NFATC1: variants seen among roughly 807,000 people sequenced by gnomAD.
NFATC1 encodes the protein nuclear factor of activated T-cells, cytoplasmic 1.
A neutral mutation model predicts 76.0 loss-of-function variants in NFATC1; 22 were observed. The observed-to-expected ratio is 0.29, with a 90% CI of 0.21 to 0.41. The LOEUF is 0.41. Ranked by LOEUF, NFATC1 falls within the 10% of genes least tolerant of loss-of-function variation. The pLI is 1.00. For synonymous variants in NFATC1, 704 were observed against 613.1 expected (o/e 1.15, Z -2.19); for missense variants, 1,357 against 1,337.7 (o/e 1.01, Z -0.23).
At chr18:79,437,016 C>T (rs149328998) in intron 3 of NFATC1, among the ~76,000 whole-genome samples, 189 of 152,350 alleles carry the variant, frequency 1.2e-3, no homozygotes, top group African/African-American at 4.1e-3. Context: ...AAAACACCAG[C>T]ATCAAAGCAA....
chr18:79,401,204 G>T (rs2148135508), intron 1 of NFATC1, among the ~76,000 whole-genome samples: 1 of 151,314 alleles, frequency 6.6e-6, no homozygotes, highest in South Asian at 2.1e-4. Flanking sequence ...GGTCACCCCA[G>T]GCTGGTCACC....
At chr18:79,527,491 T>C (rs774220893) in intron 9 of NFATC1, 37 bp from the exon 10 acceptor site, 2 of 1,569,040 alleles carry the variant, frequency 1.3e-6, no homozygotes, top group Non-Finnish European at 1.8e-6. Flanking sequence ...GTTTATGGTA[T>C]TTCTCTAATA....
chr18:79,486,410 C>G lies in NFATC1; in HGVS notation c.2255C>G (p.Pro752Arg). The change falls in exon 9 of 10, where the codon CCG becomes CGG. Residue 752 changes from proline (P) to arginine (R), a missense_variant. By Grantham distance (103) the Pro-to-Arg change is moderately radical (BLOSUM62 -2). This residue lies in a region of NFATC1 where 424 missense variants were observed against 395.4 expected (regional missense o/e 1.07). Coordinates refer to ENST00000427363, the MANE Select transcript of NFATC1 (RefSeq NM_001278669.2). ...CTCGTGGCCGGCTTCCCGCCCTGTCCGCAGAGAAGCACCCTGATGCCAGCG... is the reference window on the plus strand; with the variant it reads ...CTCGTGGCCGGCTTCCCGCCCTGTCGGCAGAGAAGCACCCTGATGCCAGCG... ...SCLVAGFPPC[P>R]QRSTLMPAAP... 1.9e-6 allele frequency: 3 copies of G among 1,612,676 alleles called. No individual in the cohort carries two copies. Among genetic ancestry groups the G allele is most frequent in the Non-Finnish European group, 2.5e-6 (3 of 1,179,946 alleles).
intron 7 of NFATC1, among the ~76,000 whole-genome samples, chr18:79,464,413 C>A (rs757369513): frequency 6.6e-6 from 1 of 151,876 alleles, no homozygotes; most frequent in Non-Finnish European, 1.5e-5. Context: ...CATTTTTAAT[C>A]TCTTAAATGG....
Position 79,410,213 on chromosome 18 carries a change from G to A in NFATC1, c.128-190G>A. On this transcript the variant is annotated intron_variant, in intron 1 of 9. Coordinates refer to ENST00000427363, the MANE Select transcript of NFATC1 (RefSeq NM_001278669.2). This position sits in a 1 kb window ranked among gnomAD's most constrained non-coding sequence, Gnocchi z 6.7. ...GGCTCACGGGAGCCTTGTTGGCCAG[G>A]TGGGACTGGGGCTGTCACTCCAAGT... is the stretch of plus-strand genomic sequence containing the variant. The A allele has an allele frequency of 2.2e-6, 2 of 901,814 alleles. No individual in the cohort carries two copies. Among genetic ancestry groups the A allele is most frequent in the Non-Finnish European group, 1.8e-6 (1 of 567,276 alleles). The allele number at this position is 901,814 out of a possible 1,614,324, so 55.9% of individuals were successfully genotyped here.
At chr18:79,456,112 C>T (rs2087711986) in intron 6 of NFATC1, among the ~76,000 whole-genome samples, 1 of 152,340 alleles carries the variant, frequency 6.6e-6, no homozygotes, top group African/African-American at 2.4e-5. Flanking sequence ...TTGGGAGGCT[C>T]CACCCAGCAG....
chr18:79,463,716 T>A (rs928147308), intron 7 of NFATC1, among the ~76,000 whole-genome samples: 1 of 152,354 alleles, frequency 6.6e-6, no homozygotes, highest in Admixed American at 6.5e-5. Flanking sequence ...TCTCCGTCCC[T>A]CTGCCTGCAG....
Position 79,410,542 on chromosome 18 carries a change from C to T in NFATC1, c.267C>T (p.Tyr89=), listed in dbSNP as rs55863211. ...CGCCGGCGGATCACCCCTCGGGGTA[C>T]GGAGCAGCTTTGGACGGTGGGCCCG... ...IIPPADHPSG[Y]GAALDGGPAG... The change falls in exon 2 of 10, where the codon TAC becomes TAT. Residue 89 remains tyrosine, a synonymous_variant. Coordinates refer to ENST00000427363, the MANE Select transcript of NFATC1 (RefSeq NM_001278669.2). This position sits in a 1 kb window ranked among gnomAD's most constrained non-coding sequence, Gnocchi z 6.7. 0.035 allele frequency: 56,964 copies of T among 1,611,632 alleles called. 1,165 individuals carry two copies. Among genetic ancestry groups the T allele is most frequent in the Non-Finnish European group, 0.041 (48,026 of 1,179,978 alleles).
At chr18:79,439,185 A>C (rs577163546) in intron 3 of NFATC1, among the ~76,000 whole-genome samples, 1 of 152,156 alleles carries the variant, frequency 6.6e-6, no homozygotes, top group South Asian at 2.1e-4. Flanking sequence ...GGTTTGCCAC[A>C]CACAGGAGCT....
At chr18:79,436,076 TTG>T in intron 3 of NFATC1, among the ~76,000 whole-genome samples, 1 of 152,176 alleles carries the variant, frequency 6.6e-6, no homozygotes, top group Non-Finnish European at 1.5e-5. Flanking sequence ...AAAATAGAAT[TTG>T]TGCATAATTT....
In NFATC1 at chr18:79,527,759, A is replaced by G; in HGVS notation, c.*182A>G. ...CCAACAAGAAGGAAAGCAGGGAGGA[A>G]GGGAGACCACTGTGTCACCTGGAGG... On this transcript the variant is annotated 3_prime_UTR_variant, in exon 10 of 10. Coordinates refer to ENST00000427363, the MANE Select transcript of NFATC1 (RefSeq NM_001278669.2). The G allele has an allele frequency of 1.6e-6, 1 of 618,084 alleles. No homozygotes were observed. Among genetic ancestry groups the G allele is most frequent in the Non-Finnish European group, 2.9e-6 (1 of 350,684 alleles). The allele number at this position is 618,084 out of a possible 1,614,324, so 38.3% of individuals were successfully genotyped here. A position where few individuals can be genotyped will look rare whatever the true frequency, so the allele number is the denominator to read the frequency against.
In NFATC1 at chr18:79,410,656, C is replaced by T. The variant is rs778698315; in HGVS notation, c.381C>T (p.Gly127=). The T allele has an allele frequency of 6.2e-7, 1 of 1,613,224 alleles. No individual in the cohort carries two copies. The highest frequency in any genetic ancestry group is 8.5e-7 in the Non-Finnish European group (1 of 1,180,024). ...GCATCGAGATAACCTCGTGCTTGGG[C>T]CTGTACCACAACAATAACCAGTTTT... The part of the protein sequence containing the change: ...SPRIEITSCL[G]LYHNNNQFFH... Residue 127 remains glycine (G), a synonymous_variant, in exon 2 of 10, where the codon GGC becomes GGT. Coordinates refer to ENST00000427363, the MANE Select transcript of NFATC1 (RefSeq NM_001278669.2). The surrounding 1 kb of genome is among the most constrained non-coding windows in gnomAD (Gnocchi z 6.7).
In NFATC1 at chr18:79,446,576, G is replaced by A. The variant is rs557225344; in HGVS notation, c.1387-2206G>A. Among the ~76,000 whole-genome samples, 10 of 152,232 alleles carry A rather than the reference G, an allele frequency of 6.6e-5. No individual in the cohort carries two copies. The East Asian group carries it at 1.5e-3, about 23-fold the overall frequency. On this transcript the variant is annotated intron_variant, in intron 3 of 9. Coordinates refer to ENST00000427363, the MANE Select transcript of NFATC1 (RefSeq NM_001278669.2). Reference sequence around the variant, plus strand: ...GTCCCACAGAGAGTTAAGGTATCTCGGGAAGTTCATTAACTTGGCAAACGG... The same window carrying A: ...GTCCCACAGAGAGTTAAGGTATCTCAGGAAGTTCATTAACTTGGCAAACGG...
intron 2 of NFATC1, among the ~76,000 whole-genome samples, chr18:79,416,912 C>G (rs1440573683): frequency 6.6e-6 from 1 of 152,226 alleles, no homozygotes; most frequent in East Asian, 1.9e-4. Flanking sequence ...GGGTGTCAGG[C>G]CCTGGGGAGT....
intron 6 of NFATC1, chr18:79,452,236 TC>T (rs1435080866): frequency 6.4e-6 from 1 of 156,370 alleles, no homozygotes; most frequent in Non-Finnish European, 1.4e-5. Context: ...CCGCCAGCAT[TC>T]CTGGGGTCGG....
chr18:79,434,158 G>A (rs935558472), intron 3 of NFATC1, among the ~76,000 whole-genome samples: 1 of 152,252 alleles, frequency 6.6e-6, no homozygotes, highest in Admixed American at 6.5e-5. Flanking sequence ...CTCTGGGCTT[G>A]GGTGCTGGGG....
In NFATC1 at chr18:79,411,319, C is replaced by G; in HGVS notation, c.1044C>G (p.Leu348=). The G allele has an allele frequency of 6.2e-7, 1 of 1,602,136 alleles. No individual in the cohort carries two copies. Among genetic ancestry groups the G allele is most frequent in the Non-Finnish European group, 8.5e-7 (1 of 1,176,748 alleles). Reference sequence around the variant, plus strand: ...TGGAGCAGCCGCCCTCAGTGGCGCTCAAGGTGGAGCCCGTCGGGGAGGACC... The same window carrying G: ...TGGAGCAGCCGCCCTCAGTGGCGCTGAAGGTGGAGCCCGTCGGGGAGGACC... The part of the protein sequence containing the change: ...TTLEQPPSVA[L]KVEPVGEDLG... The change falls in exon 2 of 10, where the codon CTC becomes CTG. Residue 348 remains leucine, a synonymous_variant. Coordinates refer to ENST00000427363, the MANE Select transcript of NFATC1 (RefSeq NM_001278669.2).
Position 79,396,323 on chromosome 18 carries a change from C to T in NFATC1, c.99C>T (p.Ala33=), listed in dbSNP as rs2085001553. 7.1e-7 allele frequency: 1 copy of T among 1,412,710 alleles called. No individual in the cohort carries two copies. The highest frequency in any genetic ancestry group is 9.4e-7 in the Non-Finnish European group (1 of 1,068,036). The allele number at this position is 1,412,710 out of a possible 1,614,324, so 87.5% of individuals were successfully genotyped here. A position where few individuals can be genotyped will look rare whatever the true frequency, so the allele number is the denominator to read the frequency against. The change falls in exon 1 of 10, where the codon GCC becomes GCT. Residue 33 remains alanine (A), a synonymous_variant. Transcript: ENST00000427363. ...RGETLGPAPR[A]GGTMKSAEEE... ...AAACTTTGGGGCCCGCGCCGCGCGC[C>T]GGCGGCACCATGAAGTCAGCGGAGG...
chr18:79,507,131 T>C (rs1186523171), intron 9 of NFATC1, among the ~76,000 whole-genome samples: 2 of 152,198 alleles, frequency 1.3e-5, no homozygotes, highest in African/African-American at 4.8e-5. Flanking sequence ...GGGAGGGGGT[T>C]ATCAGCCCCT....
Sources: gnomAD v4.1 joint callset for allele counts (sites outside exome capture counted in the v4.1 genomes callset) on GRCh38, gnomAD v4.1.1 for gene constraint, gnomAD v4.1.1 regional missense constraint, Gnocchi (gnomAD v3.1) non-coding constraint, MANE v1.5 for transcripts, NCBI Gene and HGNC (gene_info 2026-07-23, HGNC 2026-07-21) for gene names.